The following ATRN variants were observed in gnomAD, a reference collection of about 807,000 sequenced individuals.
ATRN encodes attractin-2.
In ATRN, 54 loss-of-function variants were observed where a neutral mutation model predicts 178.7. The observed-to-expected ratio is 0.30, with a 90% CI of 0.24 to 0.38. The LOEUF is 0.38. Among genes scored for constraint, ATRN ranks in the 10% least tolerant of loss-of-function variants. ATRN has a pLI of 1.00. For synonymous variants in ATRN, 636 were observed against 663.0 expected, an observed-to-expected ratio of 0.96 and a Z score of 0.63; for missense variants, 1,443 against 1,815.1, an observed-to-expected ratio of 0.79 and a Z score of 3.73.
intron 25 of ATRN, among the ~76,000 whole-genome samples, chr20:3,627,079 G>A (rs931345128): frequency 2.0e-5 from 3 of 152,076 alleles, no homozygotes; most frequent in Non-Finnish European, 4.4e-5. Flanking sequence ...GAACCACTGC[G>A]CTCAGTCAAA....
chr20:3,587,432 T>G (rs1206340371), intron 18 of ATRN, among the ~76,000 whole-genome samples: 1 of 152,168 alleles, frequency 6.6e-6, no homozygotes, highest in Non-Finnish European at 1.5e-5. Context: ...GGGTCCAAAC[T>G]CTCTTCTTGC....
At chr20:3,545,519 T>C (rs1235089872) in intron 3 of ATRN, among the ~76,000 whole-genome samples, 4 of 152,176 alleles carry the variant, frequency 2.6e-5, no homozygotes, top group East Asian at 1.9e-4. Flanking sequence ...AATAGGGCCA[T>C]TGATTTCAAA....
At chr20:3,482,921 T>G (rs1186105320) in intron 1 of ATRN, among the ~76,000 whole-genome samples, 1 of 152,194 alleles carries the variant, frequency 6.6e-6, no homozygotes, top group Non-Finnish European at 1.5e-5. Flanking sequence ...GCGAGGAATA[T>G]CTCTTTGTAC....
chr20:3,500,951 A>G (rs1253435992), intron 1 of ATRN, among the ~76,000 whole-genome samples: 1 of 152,132 alleles, frequency 6.6e-6, no homozygotes, highest in Non-Finnish European at 1.5e-5. Context: ...ATTTAGTTAT[A>G]TATAACTAAA....
intron 1 of ATRN, among the ~76,000 whole-genome samples, chr20:3,484,531 G>A (rs934897619): frequency 1.3e-5 from 2 of 152,072 alleles, no homozygotes; most frequent in African/African-American, 4.8e-5. Flanking sequence ...TCCATTTATA[G>A]AACAGTTTTG....
intron 26 of ATRN, among the ~76,000 whole-genome samples, chr20:3,635,377 A>G (rs544719725): frequency 6.6e-6 from 1 of 151,762 alleles, no homozygotes; most frequent in Admixed American, 6.6e-5. Context: ...AAATAAATAA[A>G]TAAATAAATA....
Position 3,644,268 on chromosome 20 carries a change from G to A in ATRN, c.4165G>A (p.Gly1389Ser). Residue 1389 changes from glycine to serine, a missense_variant and splice_region_variant, in exon 28 of 29, where the codon GGT becomes AGT. Around this residue, in one of 4 missense-constraint regions of ATRN, gnomAD observed 289 missense variants for 440.8 expected, o/e 0.66. Transcript: ENST00000262919. ...TGGCATCCCTCCTCCTGGGCAGTCAGGTGAGTAGATGCGGTCCAGCGAAAG... is the reference window on the plus strand; with the variant it reads ...TGGCATCCCTCCTCCTGGGCAGTCAAGTGAGTAGATGCGGTCCAGCGAAAG... The part of the protein sequence containing the change: ...LGGIPPPGQS[G>S]LAVASALVDI... The A allele has an allele frequency of 6.2e-7, 1 of 1,608,164 alleles. No individual in the cohort carries two copies. Among genetic ancestry groups the A allele is most frequent in the Non-Finnish European group, 8.5e-7 (1 of 1,174,534 alleles).
At chr20:3,512,369 G>A (rs2085146687) in intron 1 of ATRN, among the ~76,000 whole-genome samples, 1 of 147,624 alleles carries the variant, frequency 6.8e-6, no homozygotes, top group Non-Finnish European at 1.5e-5. Context: ...TTGGTTTTTT[G>A]TCCTTGCGAT....
chr20:3,592,480 T>G (rs1405107037), intron 19 of ATRN: 2 of 984,842 alleles, frequency 2.0e-6, no homozygotes, highest in East Asian at 1.1e-4. Context: ...AATAGGACAT[T>G]TTATTATGAG....
chr20:3,487,405 G>A (rs2084709831), intron 1 of ATRN, among the ~76,000 whole-genome samples: 2 of 151,996 alleles, frequency 1.3e-5, no homozygotes, highest in African/African-American at 4.8e-5. Context: ...GCTAATTTTT[G>A]TATTTTTAGT....
chr20:3,588,704 G>A (rs934217339), intron 18 of ATRN, among the ~76,000 whole-genome samples: 9 of 152,122 alleles, frequency 5.9e-5, no homozygotes, highest in African/African-American at 2.2e-4. Context: ...CCTAGAGTAA[G>A]TTGGAACGTA....
chr20:3,556,137 A>G (rs2085873439), intron 6 of ATRN, among the ~76,000 whole-genome samples: 1 of 152,226 alleles, frequency 6.6e-6, no homozygotes, highest in Non-Finnish European at 1.5e-5. Context: ...TACATTGGGA[A>G]AAAAACCAGA....
intron 1 of ATRN, among the ~76,000 whole-genome samples, chr20:3,505,751 AT>A (rs1485567872): frequency 6.6e-6 from 1 of 151,024 alleles, no homozygotes; most frequent in Non-Finnish European, 1.5e-5. Context: ...AAATTGAATA[AT>A]GTAGGTAGAT....
chr20:3,492,898 T>C (rs769234533), intron 1 of ATRN, among the ~76,000 whole-genome samples: 18 of 133,246 alleles, frequency 1.4e-4, no homozygotes, highest in South Asian at 4.6e-4. Context: ...CACACACACA[T>C]AACTAATATA....
intron 24 of ATRN, among the ~76,000 whole-genome samples, chr20:3,613,392 A>C (rs1348549682): frequency 6.6e-6 from 1 of 152,106 alleles, no homozygotes; most frequent in African/African-American, 2.4e-5. Context: ...GCTGTGCGCT[A>C]TGTGGAGGGC....
At chr20:3,522,572 A>G (rs985712142) in intron 1 of ATRN, among the ~76,000 whole-genome samples, 1 of 152,184 alleles carries the variant, frequency 6.6e-6, no homozygotes, top group Admixed American at 6.5e-5. Context: ...CTGCTAAGGG[A>G]CAGACTGCCT....
In ATRN at chr20:3,578,540, A is replaced by T. The variant is rs2086241648; in HGVS notation, c.2354-42A>T. ...ACTCATAATACAGTAGTTTTGTCTG[A>T]TTTCTAAAATTCTTTTCTTTCTCTT... On this transcript the variant is annotated intron_variant, in intron 14 of 28. Transcript: ENST00000262919. The T allele has an allele frequency of 3.3e-6, 5 of 1,533,436 alleles. No homozygotes were observed. The South Asian group carries it at 4.9e-5, about 15-fold the overall frequency. The allele number at this position is 1,533,436 out of a possible 1,614,324, so 95.0% of individuals were successfully genotyped here. A position where few individuals can be genotyped will look rare whatever the true frequency, so the allele number is the denominator to read the frequency against.
At chr20:3,619,757 T>C (rs1293436535) in intron 24 of ATRN, among the ~76,000 whole-genome samples, 12 of 152,158 alleles carry the variant, frequency 7.9e-5, no homozygotes, top group Non-Finnish European at 1.2e-4. Context: ...CTCAGGAACA[T>C]ACAGAAACCT....
At chr20:3,633,227 TG>T (rs1031279503) in intron 25 of ATRN, among the ~76,000 whole-genome samples, 2 of 152,122 alleles carry the variant, frequency 1.3e-5, no homozygotes, top group South Asian at 2.1e-4. Context: ...GTGACGATCC[TG>T]GGGGGGTTGG....
Sources: allele counts gnomAD v4.1 joint callset (sites outside exome capture counted in the v4.1 genomes callset), GRCh38; gene constraint gnomAD v4.1.1; regional missense constraint gnomAD v4.1.1; transcripts MANE v1.5; gene names NCBI Gene and HGNC (gene_info 2026-07-23, HGNC 2026-07-21).